BBOX1: variants seen among roughly 807,000 people sequenced by gnomAD.
The protein encoded by BBOX1 is gamma-butyrobetaine hydroxylase 1.
A neutral mutation model predicts 41.6 loss-of-function variants in BBOX1; 35 were observed. That is an observed-to-expected ratio of 0.84 (90% CI 0.64 to 1.11). BBOX1 has a LOEUF of 1.11. Among genes scored for constraint, BBOX1 ranks in the 50% most tolerant of loss-of-function variants. The pLI is 0.00. For missense variants in BBOX1, 458 were observed against 460.6 expected, an observed-to-expected ratio of 0.99 and a Z score of 0.05; for synonymous variants, 163 against 154.7, an observed-to-expected ratio of 1.05 and a Z score of -0.40.
intron 5 of BBOX1, among the ~76,000 whole-genome samples, chr11:27,109,988 A>G (rs1858998936): frequency 6.6e-6 from 1 of 152,054 alleles, no homozygotes; most frequent in African/African-American, 2.4e-5. Context: ...CCTCCACCAG[A>G]TAATAAATTT....
intron 4 of BBOX1, among the ~76,000 whole-genome samples, chr11:27,064,906 GAA>G (rs140743479): frequency 1.4e-5 from 2 of 146,748 alleles, no homozygotes; most frequent in East Asian, 4.0e-4. Context: ...TGTCAGACAT[GAA>G]AAAAAAAAAC....
intron 4 of BBOX1, chr11:27,066,404 A>T (rs1857280654): frequency 1.3e-5 from 2 of 152,138 alleles, no homozygotes; most frequent in African/African-American, 4.8e-5. Flanking sequence ...ATAAGGGATA[A>T]ATTTGTCCTG....
chr11:27,090,282 A>G (rs553327368), intron 4 of BBOX1, among the ~76,000 whole-genome samples: 65 of 151,980 alleles, frequency 4.3e-4, no homozygotes, highest in African/African-American at 1.5e-3. Context: ...AAATAGAGAG[A>G]CGGTACAAAG....
At chr11:27,093,124 AAG>A (rs1858307934) in intron 4 of BBOX1, 42 bp from the exon 5 acceptor site, 1 of 1,570,228 alleles carries the variant, frequency 6.4e-7, no homozygotes, top group Non-Finnish European at 8.7e-7. Context: ...CTTATGTAAA[AAG>A]AATGTAATCC....
chr11:27,046,235 C>G (rs779649642), intron 2 of BBOX1: 3 of 151,932 alleles, frequency 2.0e-5, no homozygotes, highest in Admixed American at 6.6e-5. Context: ...CTTGATTTTC[C>G]AAACAGTGCT....
chr11:27,061,271 A>T (rs1420784209), intron 4 of BBOX1, among the ~76,000 whole-genome samples: 1 of 152,186 alleles, frequency 6.6e-6, no homozygotes, highest in Non-Finnish European at 1.5e-5. Flanking sequence ...CAGTAGCAAA[A>T]TGGAAATGAT....
At chr11:27,107,646 T>C (rs183815879) in intron 5 of BBOX1, among the ~76,000 whole-genome samples, 12 of 152,116 alleles carry the variant, frequency 7.9e-5, no homozygotes, top group South Asian at 2.1e-4. Context: ...GGGGTGCATG[T>C]AAGTACACCT....
intron 7 of BBOX1, among the ~76,000 whole-genome samples, chr11:27,122,360 T>TA (rs1859494679): frequency 6.6e-6 from 1 of 152,112 alleles, no homozygotes; most frequent in East Asian, 1.9e-4. Flanking sequence ...ATTTTCCAGT[T>TA]AAAAAAACGA....
At chr11:27,080,973 G>C (rs894347883) in intron 4 of BBOX1, among the ~76,000 whole-genome samples, 3 of 152,098 alleles carry the variant, frequency 2.0e-5, no homozygotes, top group African/African-American at 7.2e-5. Context: ...CAGCTCCGTA[G>C]GTTGTTCTCA....
chr11:27,056,156 AAGATTAAATGTGTTAT>A, intron 3 of BBOX1, among the ~76,000 whole-genome samples: 1 of 152,174 alleles, frequency 6.6e-6, no homozygotes, highest in East Asian at 1.9e-4. Flanking sequence ...TAGAGTTGTA[AAGATTAAATGTGTTAT>A]GTCTATAGTA....
chr11:27,113,275 T>C (rs1316228247), intron 5 of BBOX1, among the ~76,000 whole-genome samples: 2 of 151,898 alleles, frequency 1.3e-5, no homozygotes, highest in Non-Finnish European at 2.9e-5. Flanking sequence ...AACATTATCA[T>C]TTGACCCAGC....
intron 4 of BBOX1, 32 bp from the exon 5 acceptor site, chr11:27,093,136 C>G: frequency 1.9e-6 from 3 of 1,585,000 alleles, no homozygotes; most frequent in Non-Finnish European, 2.6e-6. Flanking sequence ...GAATGTAATC[C>G]CATCTGATTT....
At chr11:27,057,147 G>C in intron 3 of BBOX1, 54 bp from the exon 4 acceptor site, 1 of 1,199,620 alleles carries the variant, frequency 8.3e-7, no homozygotes, top group Non-Finnish European at 1.2e-6. Flanking sequence ...CAGAGCAATA[G>C]TGGAGAACGG....
chr11:27,044,035 T>C (rs1445996116), intron 2 of BBOX1, among the ~76,000 whole-genome samples: 2 of 152,194 alleles, frequency 1.3e-5, no homozygotes, highest in Admixed American at 6.5e-5. Context: ...TTCCACAATG[T>C]TTGAACTACT....
At chr11:27,082,146 T>G (rs1654770108) in intron 4 of BBOX1, among the ~76,000 whole-genome samples, 6 of 152,112 alleles carry the variant, frequency 3.9e-5, no homozygotes, top group Admixed American at 3.9e-4. Flanking sequence ...TTCACCCCCA[T>G]GATCCAATCA....
intron 4 of BBOX1, among the ~76,000 whole-genome samples, chr11:27,080,496 T>C (rs7106871): frequency 0.074 from 11,198 of 152,182 alleles, 1,360 homozygotes; most frequent in African/African-American, 0.25. Context: ...TGCTACGTAC[T>C]AGGCACTATT....
intron 2 of BBOX1, among the ~76,000 whole-genome samples, chr11:27,050,030 T>C (rs1851621748): frequency 6.6e-6 from 1 of 152,164 alleles, no homozygotes; most frequent in Non-Finnish European, 1.5e-5. Flanking sequence ...TTGATTTTTA[T>C]GTATGATGTG....
intron 5 of BBOX1, among the ~76,000 whole-genome samples, chr11:27,098,015 C>T (rs17309642): frequency 0.033 from 4,961 of 152,078 alleles, 124 homozygotes; most frequent in South Asian, 0.11. Flanking sequence ...CCCTTTCTCA[C>T]TTGTTTGTTC....
At chr11:27,084,725 T>G (rs1828941998) in intron 4 of BBOX1, among the ~76,000 whole-genome samples, 1 of 152,150 alleles carries the variant, frequency 6.6e-6, no homozygotes, top group African/African-American at 2.4e-5. Flanking sequence ...TCATGAATCT[T>G]TAACTAAAGA....
Sources: allele counts gnomAD v4.1 joint callset (sites outside exome capture counted in the v4.1 genomes callset), GRCh38; gene constraint gnomAD v4.1.1; transcripts MANE v1.5; gene names NCBI Gene and HGNC (gene_info 2026-07-23, HGNC 2026-07-21).